Variants in GPC2 observed in about 807,000 individuals in gnomAD.
GPC2 encodes the protein glypican-2.
A neutral mutation model predicts 57.3 loss-of-function variants in GPC2; 42 were observed. That is an observed-to-expected ratio of 0.73 (90% confidence interval 0.57 to 0.95). GPC2 has a LOEUF of 0.95. GPC2 is among the 40% of genes least tolerant of loss of function. The probability of loss-of-function intolerance (pLI) is 0.00; values close to 1 mark genes in which losing one functional copy is unlikely to be tolerated. For missense variants in GPC2, 745 were observed against 793.6 expected (o/e 0.94, Z 0.74); for synonymous variants, 364 against 343.4 (o/e 1.06, Z -0.66).
chr7:100,175,778 G>A lies in GPC2; in HGVS notation c.442C>T (p.Leu148=), dbSNP rs757385846. 3.1e-6 allele frequency: 5 copies of A among 1,613,990 alleles called. No individual in the cohort carries two copies. The highest frequency in any genetic ancestry group is 4.2e-6 in the Non-Finnish European group (5 of 1,180,012). ...CCAGATTCCCCATAGAAGTCTCGCAGCCGAGAGAACAGGCCATTGAATATG... is the reference window on the plus strand; with the variant it reads ...CCAGATTCCCCATAGAAGTCTCGCAACCGAGAGAACAGGCCATTGAATATG... ...ALIFNGLFSR[L]RDFYGESGEG... Residue 148 remains leucine, a synonymous_variant, in exon 3 of 10, where the codon CTG becomes TTG. Transcript: ENST00000292377.
intron 5 of GPC2, among the ~76,000 whole-genome samples, chr7:100,172,888 C>CA (rs369558516): frequency 5.9e-4 from 83 of 140,376 alleles, no homozygotes; most frequent in Non-Finnish European, 8.6e-4. Context: ...GTCTTTGTCT[C>CA]AAAAAAAAAA....
Position 100,170,396 on chromosome 7 carries a change from C to T in GPC2, c.1574G>A (p.Arg525Gln). ...ATCCCTTCTAGGAGGGTATGGAGGC[C>T]GAGGAGGCCGGGCTGGGGGAGCCAC... Reference protein sequence around the residue: ...GAVAPPARPPRPPYPPRRDGS... With the variant: ...GAVAPPARPPQPPYPPRRDGS... Residue 525 changes from arginine (R) to glutamine (Q), a missense_variant, in exon 10 of 10, where the codon CGG (arginine) becomes CAG (glutamine). By Grantham distance (43) the Arg-to-Gln change is conservative. Coordinates refer to ENST00000292377, the MANE Select transcript of GPC2 (RefSeq NM_152742.3). The T allele has an allele frequency of 6.2e-7, 1 of 1,611,874 alleles. No individual in the cohort carries two copies.
In GPC2 at chr7:100,172,170, C is replaced by G. The variant is rs751370415; in HGVS notation, c.940G>C (p.Glu314Gln). The G allele has an allele frequency of 2.5e-6, 4 of 1,613,908 alleles. No individual in the cohort carries two copies. Among genetic ancestry groups the G allele is most frequent in the Non-Finnish European group, 3.4e-6 (4 of 1,179,992 alleles). The change falls in exon 6 of 10, where the codon GAG (glutamate) becomes CAG (glutamine). Residue 314 changes from glutamate (E) to glutamine (Q), a missense_variant. Glu to Gln is a conservative substitution (Grantham distance 29). This residue lies in a region of GPC2 where 607 missense variants were observed against 603.9 expected (regional missense o/e 1.01). Coordinates refer to ENST00000292377, the MANE Select transcript of GPC2 (RefSeq NM_152742.3). ...ADKLQGPFSF[E>Q]LTAESIGVKI... ...ACCCCAATGGACTCGGCCGTCAGCT[C>G]AAAGGAAAAGGGGCCCTGGAGCTTA...
Position 100,176,053 on chromosome 7 carries a change from G to C in GPC2, c.325+154C>G, listed in dbSNP as rs116138580. On this transcript the variant is annotated intron_variant, in intron 2 of 9. Transcript: ENST00000292377. ...GATGGGGCAGACAGGGAATGGGGGA[G>C]GGCAGGGCCCTGGAGACAGAGTCTG... Among the ~76,000 whole-genome samples the C allele has an allele frequency of 2.7e-5, 4 of 149,688 alleles. No homozygotes were observed. In the South Asian group the frequency reaches 8.6e-4, roughly 32 times the overall value.
Position 100,174,390 on chromosome 7 carries a change from G to A in GPC2, c.729+295C>T, listed in dbSNP as rs1265793417. The A allele has an allele frequency of 5.6e-6, 3 of 539,370 alleles. No individual in the cohort carries two copies. The East Asian group carries it at 9.9e-5, about 18-fold the overall frequency. 33.4% of individuals were successfully genotyped at this position (539,370 alleles called of 1,614,324 possible). On this transcript the variant is annotated intron_variant, in intron 4 of 9. Coordinates refer to ENST00000292377, the MANE Select transcript of GPC2 (RefSeq NM_152742.3). ...TGGAGTCATTGAGGGATCCTGGGGG[G>A]TTGGGCGGGGGCAGTATCCAATCTC...
chr7:100,171,967 G>C lies in GPC2; in HGVS notation c.1024-42C>G. 3 of 1,546,822 alleles carry C rather than the reference G, an allele frequency of 1.9e-6. No individual in the cohort carries two copies. The highest frequency in any genetic ancestry group is 1.4e-5 in the African/African-American group (1 of 73,680). On this transcript the variant is annotated intron_variant, in intron 6 of 9. Coordinates refer to ENST00000292377, the MANE Select transcript of GPC2 (RefSeq NM_152742.3). This position sits in a 1 kb window ranked among gnomAD's most constrained non-coding sequence, Gnocchi z 4.8. ...AGACCTCACACAGTCACCCTGGGGGGAAACCACACTGCGTCCCCACTCTGA... is the reference window on the plus strand; with the variant it reads ...AGACCTCACACAGTCACCCTGGGGGCAAACCACACTGCGTCCCCACTCTGA...
Position 100,175,728 on chromosome 7 carries a change from C to T in GPC2, c.492G>A (p.Ala164=), listed in dbSNP as rs746634939. 9.9e-6 allele frequency: 16 copies of T among 1,613,988 alleles called. No homozygotes were observed. Among genetic ancestry groups the T allele is most frequent in the Middle Eastern group, 1.6e-4 (1 of 6,084 alleles). The part of the protein sequence containing the change: ...ESGEGLDDTL[A]DFWAQLLERV... ...TCTCCAGGAGCTGTGCCCAGAAATC[C>T]GCCAGGGTGTCATCCAACCCCTCAC... The change falls in exon 3 of 10, where the codon GCG becomes GCA. Residue 164 remains alanine, a synonymous_variant. Coordinates refer to ENST00000292377, the MANE Select transcript of GPC2 (RefSeq NM_152742.3).
chr7:100,171,231 G>A lies in GPC2; in HGVS notation c.1486+30C>T, dbSNP rs1799170318. On this transcript the variant is annotated intron_variant, in intron 9 of 9. Transcript: ENST00000292377. The surrounding 1 kb of genome is among the most constrained non-coding windows in gnomAD (Gnocchi z 4.8). ...GGAGAGGCTTCAGGGCAGTGGGCGG[G>A]GCTCAGGCTCAGGGATGCAGGGGTC... is the stretch of plus-strand genomic sequence containing the variant. The A allele has an allele frequency of 6.6e-7, 1 of 1,506,800 alleles. No individual in the cohort carries two copies. The highest frequency in any genetic ancestry group is 1.2e-5 in the South Asian group (1 of 80,930). The allele number at this position is 1,506,800 out of a possible 1,614,324, so 93.3% of individuals were successfully genotyped here.
chr7:100,174,893 G>A (rs1344919131), intron 3 of GPC2, 128 bp from the exon 4 acceptor site: 4 of 661,784 alleles, frequency 6.0e-6, no homozygotes, highest in Non-Finnish European at 1.1e-5. Context: ...TGGGTCGAGT[G>A]TTGGGTGGTA....
Position 100,171,919 on chromosome 7 carries a change from G to C in GPC2, c.1030C>G (p.Gln344Glu). 1 of 1,502,768 alleles carries C rather than the reference G, an allele frequency of 6.7e-7. No homozygotes were observed. The highest frequency in any genetic ancestry group is 8.8e-7 in the Non-Finnish European group (1 of 1,130,282). The allele number at this position is 1,502,768 out of a possible 1,614,324, so 93.1% of individuals were successfully genotyped here. Reference protein sequence around the residue: ...NSAKVSAQVFQECGPPDPVPA... With the variant: ...NSAKVSAQVFEECGPPDPVPA... Reference sequence around the variant, plus strand: ...ACCGGGTCGGGGGGGCCGCACTCCTGAAACACCTGCGGCACCGGGAAGAGA... The same window carrying C: ...ACCGGGTCGGGGGGGCCGCACTCCTCAAACACCTGCGGCACCGGGAAGAGA... Residue 344 changes from glutamine (Q) to glutamate (E), a missense_variant, in exon 7 of 10, where the codon CAG becomes GAG. Physicochemically the swap from Gln to Glu is conservative, Grantham distance 29 (BLOSUM62 2). Around this residue, in one of 2 missense-constraint regions of GPC2, gnomAD observed 607 missense variants for 603.9 expected, o/e 1.01. Coordinates refer to ENST00000292377, the MANE Select transcript of GPC2 (RefSeq NM_152742.3). The surrounding 1 kb of genome is among the most constrained non-coding windows in gnomAD (Gnocchi z 4.8).
chr7:100,172,967 G>A (rs1799210943), intron 5 of GPC2, among the ~76,000 whole-genome samples: 1 of 151,338 alleles, frequency 6.6e-6, no homozygotes, highest in Non-Finnish European at 1.5e-5. Context: ...TCTGCCTCCC[G>A]GGTTCAAGTG....
chr7:100,176,985 C>CGGGGGGGGGGGGGGGGGGGGGGGGG, intron 1 of GPC2, 49 bp downstream of exon 1: 1 of 432,530 alleles, frequency 2.3e-6, no homozygotes, highest in Non-Finnish European at 3.8e-6. Flanking sequence ...GAGGAGGCCC[C>CGGGGGGGGGGGGGGGGGGGGGGGGG]GCCCCCGCCC....
intron 4 of GPC2, chr7:100,174,300 G>T: frequency 1.9e-6 from 1 of 515,644 alleles, no homozygotes; most frequent in Non-Finnish European, 3.5e-6. Flanking sequence ...GAGGCTGGGA[G>T]GTCAGGTAGA....
chr7:100,171,406 C>T lies in GPC2; in HGVS notation c.1341G>A (p.Pro447=). The change falls in exon 9 of 10, where the codon CCG becomes CCA. Residue 447 remains proline, a synonymous_variant. Transcript: ENST00000292377. The surrounding 1 kb of genome is among the most constrained non-coding windows in gnomAD (Gnocchi z 4.8). ...GCTCGGGGTTGTTGACCTGCTCGGC[C>T]GGGGAGCCCCCGACCACTGGCGGCA... is the stretch of plus-strand genomic sequence containing the variant. The part of the protein sequence containing the change: ...RYLPPVVGGS[P]AEQVNNPELK... 7.4e-6 allele frequency: 11 copies of T among 1,488,196 alleles called. No homozygotes were observed. The highest frequency in any genetic ancestry group is 2.3e-5 in the Admixed American group (1 of 43,776). The allele number at this position is 1,488,196 out of a possible 1,614,324, so 92.2% of individuals were successfully genotyped here.
chr7:100,170,914 T>A (rs1799165599), intron 9 of GPC2, among the ~76,000 whole-genome samples: 4 of 151,970 alleles, frequency 2.6e-5, no homozygotes, highest in Admixed American at 2.6e-4. Context: ...TTTGGCAAAC[T>A]CCACCCTGCG....
Position 100,175,893 on chromosome 7 carries a change from C to G in GPC2, c.327G>C (p.Glu109Asp). 6.2e-7 allele frequency: 1 copy of G among 1,612,882 alleles called. No homozygotes were observed. The highest frequency in any genetic ancestry group is 1.1e-5 in the South Asian group (1 of 91,068). ...TLAARHRKFD[E>D]FFLEMLSVAQ... ...CTACTGAGAGCATCTCCAGAAAAAACTCTGCAGCAAATGCAGGGAACAGGT... is the reference window on the plus strand; with the variant it reads ...CTACTGAGAGCATCTCCAGAAAAAAGTCTGCAGCAAATGCAGGGAACAGGT... The change falls in exon 3 of 10, where the codon GAG becomes GAC. Residue 109 changes from glutamate (E) to aspartate (D), a missense_variant and splice_region_variant. By Grantham distance (45) the Glu-to-Asp change is conservative. Around this residue, in one of 2 missense-constraint regions of GPC2, gnomAD observed 138 missense variants for 189.8 expected, o/e 0.73. Transcript: ENST00000292377.
At chr7:100,175,981 GAGAGA>G (rs1354069256) in intron 2 of GPC2, 87 bp from the exon 3 acceptor site, 1 of 1,123,938 alleles carries the variant, frequency 8.9e-7, no homozygotes, top group African/African-American at 1.6e-5. Context: ...GAGGAGATGG[GAGAGA>G]AGAGAAAAGA....
In GPC2 at chr7:100,177,265, G is replaced by A; in HGVS notation, c.-66C>T. 3 of 1,438,748 alleles carry A rather than the reference G, an allele frequency of 2.1e-6. No homozygotes were observed. The highest frequency in any genetic ancestry group is 2.8e-6 in the Non-Finnish European group (3 of 1,066,898). 89.1% of individuals were successfully genotyped at this position (1,438,748 alleles called of 1,614,324 possible). A position where few individuals can be genotyped will look rare whatever the true frequency, so the allele number is the denominator to read the frequency against. ...GGAAAGCAGAGCCTCCCAAACTCGGGAATCCGGTACTCGGCCGCGGGACCG... is the reference window on the plus strand; with the variant it reads ...GGAAAGCAGAGCCTCCCAAACTCGGAAATCCGGTACTCGGCCGCGGGACCG... On this transcript the variant is annotated 5_prime_UTR_variant, in exon 1 of 10. Coordinates refer to ENST00000292377, the MANE Select transcript of GPC2 (RefSeq NM_152742.3).
At chr7:100,173,162 A>G (rs1799212672) in intron 5 of GPC2, among the ~76,000 whole-genome samples, 1 of 151,814 alleles carries the variant, frequency 6.6e-6, no homozygotes, top group Admixed American at 6.6e-5. Context: ...ATGAGCCATC[A>G]TGCCCAGCCG....
Sources: allele counts gnomAD v4.1 joint callset (sites outside exome capture counted in the v4.1 genomes callset), GRCh38; gene constraint gnomAD v4.1.1; regional missense constraint gnomAD v4.1.1; non-coding constraint Gnocchi (gnomAD v3.1); transcripts MANE v1.5; gene names NCBI Gene and HGNC (gene_info 2026-07-23, HGNC 2026-07-21).